The following RBBP8 variants were observed in gnomAD, a reference collection of about 807,000 sequenced individuals.
The protein encoded by RBBP8 is RB binding protein 8, endonuclease.
RBBP8 carries 88 observed loss-of-function variants against 108.3 expected under a neutral mutation model. The observed-to-expected ratio is 0.81, with a 90% CI of 0.68 to 0.97. The LOEUF (loss-of-function observed/expected upper bound fraction) is 0.97. Ranked by LOEUF, RBBP8 falls within the 50% of genes least tolerant of loss-of-function variation. The probability of loss-of-function intolerance (pLI) is 0.00; values close to 1 mark genes in which losing one functional copy is unlikely to be tolerated. For synonymous variants in RBBP8, 332 were observed against 348.2 expected, an observed-to-expected ratio of 0.95 and a Z score of 0.52; for missense variants, 1,023 against 1,049.0, an observed-to-expected ratio of 0.98 and a Z score of 0.34.
intron 4 of RBBP8, among the ~76,000 whole-genome samples, chr18:22,964,736 T>C (rs964494716): frequency 6.6e-6 from 1 of 152,090 alleles, no homozygotes; most frequent in Non-Finnish European, 1.5e-5. Context: ...CAATTAATTC[T>C]TTTTTGCTTC....
chr18:22,969,639 A>G (rs1237839759), intron 5 of RBBP8, among the ~76,000 whole-genome samples: 2 of 152,172 alleles, frequency 1.3e-5, no homozygotes, highest in Non-Finnish European at 2.9e-5. Context: ...GGTAAGAAAG[A>G]ATATAGCTTT....
chr18:22,915,138 A>AT (rs1567934520), intron 1 of RBBP8, among the ~76,000 whole-genome samples: 2 of 152,132 alleles, frequency 1.3e-5, no homozygotes, highest in Non-Finnish European at 2.9e-5. Flanking sequence ...TTAATTTAAC[A>AT]TAACAGCTGA....
At chr18:23,010,580 AGAGT>A (rs899890056) in intron 16 of RBBP8, among the ~76,000 whole-genome samples, 1 of 152,108 alleles carries the variant, frequency 6.6e-6, no homozygotes, top group Non-Finnish European at 1.5e-5. Flanking sequence ...CTGGGCCAAC[AGAGT>A]GAGACCCTGT....
intron 5 of RBBP8, among the ~76,000 whole-genome samples, chr18:22,970,303 A>G (rs1445692459): frequency 2.1e-4 from 32 of 152,330 alleles, no homozygotes; most frequent in Non-Finnish European, 2.9e-5. Context: ...TATTGTTAGT[A>G]CTACTGGAAA....
chr18:23,007,229 C>T (rs2046069346), intron 16 of RBBP8, among the ~76,000 whole-genome samples: 2 of 151,422 alleles, frequency 1.3e-5, no homozygotes, highest in South Asian at 4.2e-4. Context: ...CCATGTTGGC[C>T]AGGCTGGTCT....
intron 3 of RBBP8, among the ~76,000 whole-genome samples, chr18:22,924,370 G>C (rs946153546): frequency 6.6e-6 from 1 of 152,008 alleles, no homozygotes; most frequent in Non-Finnish European, 1.5e-5. Context: ...CTCATGATCT[G>C]CCTGCCTCGG....
In RBBP8 at chr18:22,993,813, A is replaced by T; in HGVS notation, c.1905A>T (p.Arg635Ser). 4 of 1,613,770 alleles carry T rather than the reference A, an allele frequency of 2.5e-6. No homozygotes were observed. Among genetic ancestry groups the T allele is most frequent in the Non-Finnish European group, 3.4e-6 (4 of 1,179,716 alleles). ...LASVLQLNPC[R>S]TGKIKSLQNN... Reference sequence around the variant, plus strand: ...CAGTTCTTCAGTTAAATCCATGTAGAACTGGTAAAATAAAGTCTCTACAAA... The same window carrying T: ...CAGTTCTTCAGTTAAATCCATGTAGTACTGGTAAAATAAAGTCTCTACAAA... The change falls in exon 12 of 19, where the codon AGA becomes AGT. Residue 635 changes from arginine (R) to serine (S), a missense_variant. Arg to Ser is a moderately radical substitution (Grantham distance 110). Transcript: ENST00000327155.
chr18:23,010,969 T>C (rs781105106), intron 16 of RBBP8, among the ~76,000 whole-genome samples: 9 of 152,230 alleles, frequency 5.9e-5, no homozygotes, highest in African/African-American at 9.6e-5. Context: ...ATGGCCAAAA[T>C]GTGATCTGCA....
chr18:22,991,588 G>A (rs749655074), intron 10 of RBBP8, among the ~76,000 whole-genome samples: 5 of 152,104 alleles, frequency 3.3e-5, no homozygotes, highest in Admixed American at 6.6e-5. Context: ...ATATCCTCCT[G>A]TATATTTTAT....
In RBBP8 at chr18:22,994,456, C is replaced by T. The variant is rs1464591643; in HGVS notation, c.1939+609C>T. Among the ~76,000 whole-genome samples, 27 of 148,660 alleles carry T rather than the reference C, an allele frequency of 1.8e-4. 1 individual carries two copies. Among genetic ancestry groups the T allele is most frequent in the Admixed American group, 1.2e-3 (18 of 15,018 alleles). Reference sequence around the variant, plus strand: ...AGGAGATCGAGACCATCCTGGCTAACGTGGTGAAACCCCATCTCTACTAAA... The same window carrying T: ...AGGAGATCGAGACCATCCTGGCTAATGTGGTGAAACCCCATCTCTACTAAA... On this transcript the variant is annotated intron_variant, in intron 12 of 18. Coordinates refer to ENST00000327155, the MANE Select transcript of RBBP8 (RefSeq NM_002894.3).
chr18:22,915,259 T>A (rs1038875950), intron 1 of RBBP8, among the ~76,000 whole-genome samples: 2 of 152,180 alleles, frequency 1.3e-5, no homozygotes, highest in Non-Finnish European at 2.9e-5. Flanking sequence ...TGCATCCTTT[T>A]CATTGTCCCT....
intron 14 of RBBP8, among the ~76,000 whole-genome samples, chr18:22,999,611 C>T (rs531116206): frequency 2.6e-4 from 39 of 151,340 alleles, no homozygotes; most frequent in South Asian, 4.2e-4. Flanking sequence ...TTGTAAGAAC[C>T]GCACATGGAA....
intron 16 of RBBP8, among the ~76,000 whole-genome samples, chr18:23,012,163 G>A (rs1165140314): frequency 2.4e-5 from 3 of 122,500 alleles, no homozygotes; most frequent in Non-Finnish European, 4.8e-5. Context: ...AGCTGTGATC[G>A]CGCCACTGCA....
At chr18:22,971,980 T>C (rs1914127262) in intron 5 of RBBP8, among the ~76,000 whole-genome samples, 1 of 151,800 alleles carries the variant, frequency 6.6e-6, no homozygotes, top group African/African-American at 2.4e-5. Context: ...AGGCTTGATA[T>C]GTTAATGTTT....
In RBBP8 at chr18:22,984,959, C is replaced by T; in HGVS notation, c.678C>T (p.Asp226=). 1 of 1,611,526 alleles carries T rather than the reference C, an allele frequency of 6.2e-7. No homozygotes were observed. The highest frequency in any genetic ancestry group is 1.7e-5 in the Admixed American group (1 of 59,952). The part of the protein sequence containing the change: ...NPNENEILVA[D]TYDQSQSPMA... Reference sequence around the variant, plus strand: ...ATGAAAATGAAATTCTAGTAGCTGACACTTATGACCAAAGTCAATCTCCAA... The same window carrying T: ...ATGAAAATGAAATTCTAGTAGCTGATACTTATGACCAAAGTCAATCTCCAA... Residue 226 remains aspartate, a synonymous_variant, in exon 8 of 19, where the codon GAC becomes GAT. Coordinates refer to ENST00000327155, the MANE Select transcript of RBBP8 (RefSeq NM_002894.3).
intron 6 of RBBP8, chr18:22,977,802 C>T (rs995158109): frequency 1.3e-5 from 2 of 152,090 alleles, no homozygotes; most frequent in African/African-American, 4.8e-5. Flanking sequence ...CCATCTTAAG[C>T]AAGTCTCTTC....
chr18:22,958,538 A>T (rs1912783939), intron 4 of RBBP8, among the ~76,000 whole-genome samples: 1 of 151,286 alleles, frequency 6.6e-6, no homozygotes, highest in Non-Finnish European at 1.5e-5. Context: ...TCATTCATTA[A>T]TTTTTTTTTG....
At chr18:22,993,989 A>ACATT in intron 12 of RBBP8, 142 bp downstream of exon 12, 1 of 680,922 alleles carries the variant, frequency 1.5e-6, no homozygotes, top group Non-Finnish European at 2.3e-6. Flanking sequence ...GACGATTCTC[A>ACATT]CATTTTACCG....
At chr18:22,964,373 G>GTTTTTT (rs71161350) in intron 4 of RBBP8, among the ~76,000 whole-genome samples, 9 of 139,498 alleles carry the variant, frequency 6.5e-5, no homozygotes, top group Admixed American at 1.4e-4. Context: ...GGAGACTTAG[G>GTTTTTT]TTTTTTTTTT....
Sources: allele counts gnomAD v4.1 joint callset (sites outside exome capture counted in the v4.1 genomes callset), GRCh38; gene constraint gnomAD v4.1.1; transcripts MANE v1.5; gene names NCBI Gene and HGNC (gene_info 2026-07-23, HGNC 2026-07-21).